Variants in ARHGEF12 observed in about 807,000 individuals in gnomAD.
ARHGEF12 encodes the protein Rho guanine nucleotide exchange factor 12, also known as KMT2A/ARHGEF12 fusion protein.
In ARHGEF12, 66 loss-of-function variants were observed where a neutral mutation model predicts 211.2. The observed-to-expected ratio is 0.31, with a 90% CI of 0.26 to 0.38. The LOEUF is 0.38. Among genes scored for constraint, ARHGEF12 ranks in the 10% least tolerant of loss-of-function variants. ARHGEF12 has a pLI of 1.00. For synonymous variants in ARHGEF12, 592 were observed against 638.4 expected (o/e 0.93, Z 1.09); for missense variants, 1,429 against 1,869.5 (o/e 0.76, Z 4.34).
At chr11:120,367,446 A>T (rs1171796964) in intron 1 of ARHGEF12, among the ~76,000 whole-genome samples, 15 of 134,170 alleles carry the variant, frequency 1.1e-4, no homozygotes. Context: ...GCTCACTGCA[A>T]CCTCCGCCTC....
intron 30 of ARHGEF12, among the ~76,000 whole-genome samples, chr11:120,472,420 G>C (rs1946895586): frequency 6.6e-6 from 1 of 152,288 alleles, no homozygotes; most frequent in Non-Finnish European, 1.5e-5. Flanking sequence ...GACAAGGTTA[G>C]AGGGAGACTT....
At chr11:120,403,473 C>G (rs1319780363) in intron 1 of ARHGEF12, among the ~76,000 whole-genome samples, 1 of 151,496 alleles carries the variant, frequency 6.6e-6, no homozygotes, top group Non-Finnish European at 1.5e-5. Flanking sequence ...CACCACTGCA[C>G]TCCAGCCTGG....
At chr11:120,355,600 A>C (rs913562903) in intron 1 of ARHGEF12, among the ~76,000 whole-genome samples, 3 of 152,224 alleles carry the variant, frequency 2.0e-5, no homozygotes, top group Middle Eastern at 3.4e-3. Context: ...CTAGTTACTT[A>C]GGAGGCTGAG....
chr11:120,475,193 T>C, intron 32 of ARHGEF12, 147 bp from the exon 33 acceptor site: 3 of 696,410 alleles, frequency 4.3e-6, no homozygotes, highest in Non-Finnish European at 6.9e-6. Context: ...TTACTGAAAA[T>C]GAAATTTTAA....
intron 4 of ARHGEF12, among the ~76,000 whole-genome samples, chr11:120,412,401 A>G (rs1944911672): frequency 6.6e-6 from 1 of 152,226 alleles, no homozygotes; most frequent in Non-Finnish European, 1.5e-5. Flanking sequence ...TTATTTTCTC[A>G]CAGTTCTGGA....
At chr11:120,341,987 G>A (rs1942550579) in intron 1 of ARHGEF12, among the ~76,000 whole-genome samples, 1 of 152,126 alleles carries the variant, frequency 6.6e-6, no homozygotes, top group African/African-American at 2.4e-5. Flanking sequence ...TCAGTACAGG[G>A]CAGATCATGC....
At chr11:120,393,797 A>G (rs1944291733) in intron 1 of ARHGEF12, among the ~76,000 whole-genome samples, 1 of 152,152 alleles carries the variant, frequency 6.6e-6, no homozygotes, top group Non-Finnish European at 1.5e-5. Flanking sequence ...TACTTAAACA[A>G]TACTGTTGGC....
intron 28 of ARHGEF12, 111 bp downstream of exon 28, chr11:120,465,473 C>CTTT: frequency 8.9e-7 from 1 of 1,129,240 alleles, no homozygotes; most frequent in Non-Finnish European, 1.2e-6. Flanking sequence ...TCTGTGTTAA[C>CTTT]TTTTTTTTTT....
Position 120,460,754 on chromosome 11 carries a change from A to G in ARHGEF12, c.2610A>G (p.Thr870=). 6.2e-7 allele frequency: 1 copy of G among 1,612,288 alleles called. No individual in the cohort carries two copies. Among genetic ancestry groups the G allele is most frequent in the Non-Finnish European group, 8.5e-7 (1 of 1,178,812 alleles). The change falls in exon 27 of 41, where the codon ACA becomes ACG. Residue 870 remains threonine, a synonymous_variant. Transcript: ENST00000397843. Reference sequence around the variant, plus strand: ...ATCAGATTGGGGAAGATTTGCTGACATGGGTAAGGAAATTTTCTGTTTCTT... The same window carrying G: ...ATCAGATTGGGGAAGATTTGCTGACGTGGGTAAGGAAATTTTCTGTTTCTT... The part of the protein sequence containing the change: ...VIDQIGEDLL[T]WFSGPGEEKL...
intron 6 of ARHGEF12, among the ~76,000 whole-genome samples, chr11:120,423,928 A>G (rs2135689766): frequency 6.6e-6 from 1 of 152,308 alleles, no homozygotes; most frequent in Admixed American, 6.5e-5. Flanking sequence ...AGATTAGATC[A>G]TGGTTGAAAA....
intron 7 of ARHGEF12, among the ~76,000 whole-genome samples, chr11:120,425,560 G>A (rs907726863): frequency 2.6e-5 from 4 of 151,412 alleles, no homozygotes; most frequent in Non-Finnish European, 5.9e-5. Context: ...GCCTCCTAAA[G>A]CGCTGGGATT....
At chr11:120,473,510 C>T (rs964591288) in intron 31 of ARHGEF12, among the ~76,000 whole-genome samples, 1 of 152,116 alleles carries the variant, frequency 6.6e-6, no homozygotes, top group Non-Finnish European at 1.5e-5. Flanking sequence ...TCAGGCAGTC[C>T]ACCCACCTCA....
At chr11:120,419,892 T>C (rs569712888) in intron 4 of ARHGEF12, among the ~76,000 whole-genome samples, 32 of 152,334 alleles carry the variant, frequency 2.1e-4, no homozygotes, top group African/African-American at 7.7e-4. Flanking sequence ...ATATGTTGTC[T>C]CTGGCTAACA....
chr11:120,480,223 G>A lies in ARHGEF12; in HGVS notation c.4030G>A (p.Ala1344Thr). Residue 1344 changes from alanine to threonine, a missense_variant, in exon 38 of 41, where the codon GCA (alanine) becomes ACA (threonine). By Grantham distance (58) the Ala-to-Thr change is moderately conservative. Coordinates refer to ENST00000397843, the MANE Select transcript of ARHGEF12 (RefSeq NM_015313.3). ...SFAPRDSVGL[A>T]PQDSQASNIL... ...TGCTCCACGGGATTCAGTGGGACTG[G>A]CACCCCAGGATAGCCAGGCAAGTAA... 6.2e-7 allele frequency: 1 copy of A among 1,614,188 alleles called. No homozygotes were observed. Among genetic ancestry groups the A allele is most frequent in the Non-Finnish European group, 8.5e-7 (1 of 1,180,024 alleles).
At chr11:120,425,359 T>C (rs1945312612) in intron 7 of ARHGEF12, among the ~76,000 whole-genome samples, 1 of 151,916 alleles carries the variant, frequency 6.6e-6, no homozygotes. Flanking sequence ...TTTTTTTGTT[T>C]GTTTGTTTTT....
At chr11:120,349,054 A>G (rs1481933470) in intron 1 of ARHGEF12, among the ~76,000 whole-genome samples, 1 of 152,190 alleles carries the variant, frequency 6.6e-6, no homozygotes, top group Non-Finnish European at 1.5e-5. Flanking sequence ...TTGTTAGGAT[A>G]ATATACTTGT....
chr11:120,339,239 A>G (rs1285453172), intron 1 of ARHGEF12, among the ~76,000 whole-genome samples: 2 of 151,702 alleles, frequency 1.3e-5, no homozygotes, highest in African/African-American at 4.8e-5. Flanking sequence ...TTTTTTTATT[A>G]AGAATTATTC....
At chr11:120,466,028 CTA>C (rs2135932908) in intron 28 of ARHGEF12, among the ~76,000 whole-genome samples, 1 of 152,318 alleles carries the variant, frequency 6.6e-6, no homozygotes, top group Admixed American at 6.5e-5. Context: ...GGTTGGTAAA[CTA>C]TGGCCGACAG....
At chr11:120,382,635 G>T (rs915609595) in intron 1 of ARHGEF12, among the ~76,000 whole-genome samples, 1 of 152,194 alleles carries the variant, frequency 6.6e-6, no homozygotes, top group African/African-American at 2.4e-5. Context: ...TAGTTTCTAG[G>T]TGCTTAATGT....
Sources: gnomAD v4.1 joint callset for allele counts (sites outside exome capture counted in the v4.1 genomes callset) on GRCh38, gnomAD v4.1.1 for gene constraint, MANE v1.5 for transcripts, NCBI Gene and HGNC (gene_info 2026-07-23, HGNC 2026-07-21) for gene names.